The following PTBP3 variants were observed in gnomAD, a reference collection of about 807,000 sequenced individuals.
PTBP3 encodes the protein polypyrimidine tract binding protein 3, also known as polypyrimidine tract-binding protein 3.
In PTBP3, 20 loss-of-function variants were observed where a neutral mutation model predicts 58.7. The ratio of observed to expected loss-of-function variants is 0.34; its 90% CI spans 0.24 to 0.50. The LOEUF is 0.50. Ranked by LOEUF, PTBP3 falls within the 20% of genes least tolerant of loss-of-function variation. The pLI is 0.98. For synonymous variants in PTBP3, 185 were observed against 219.8 expected, an observed-to-expected ratio of 0.84 and a Z score of 1.40; for missense variants, 509 against 637.2, an observed-to-expected ratio of 0.80 and a Z score of 2.17.
intron 2 of PTBP3, among the ~76,000 whole-genome samples, chr9:112,292,768 G>A (rs1425221760): frequency 6.6e-6 from 1 of 152,154 alleles, no homozygotes; most frequent in Admixed American, 6.5e-5. Flanking sequence ...GAAGAGAAAA[G>A]GAAGAGTTGT....
the PTBP3 span, among the ~76,000 whole-genome samples, chr9:112,352,952 G>A: frequency 2.6e-5 from 4 of 151,516 alleles, no homozygotes; most frequent in East Asian, 3.9e-4. Flanking sequence ...CCAGGCTGGA[G>A]TGCAGTGGTG....
At chr9:112,338,518 C>A (rs1830594319), upstream of PTBP3, among the ~76,000 whole-genome samples, 1 of 152,090 alleles carries the variant, frequency 6.6e-6, no homozygotes, top group Non-Finnish European at 1.5e-5. Context: ...GCTGAGTGTT[C>A]CCTTAATATT....
the PTBP3 span, among the ~76,000 whole-genome samples, chr9:112,376,317 G>C: frequency 5.4e-4 from 76 of 142,036 alleles, no homozygotes; most frequent in South Asian, 4.6e-3. Context: ...GCAGTGGCGT[G>C]GTCTCCGCTC....
the PTBP3 span, among the ~76,000 whole-genome samples, chr9:112,347,341 C>A: frequency 1.7e-4 from 22 of 130,898 alleles, no homozygotes; most frequent in Admixed American, 1.5e-3. Context: ...ACTGGGATAC[C>A]TTTTTTTTTT....
the PTBP3 span, among the ~76,000 whole-genome samples, chr9:112,356,701 C>T: frequency 6.6e-6 from 1 of 151,668 alleles, no homozygotes; most frequent in Non-Finnish European, 1.5e-5. Flanking sequence ...TATCTAGCTC[C>T]AAGTTGAGGA....
intron 5 of PTBP3, among the ~76,000 whole-genome samples, chr9:112,257,221 C>T (rs772069243): frequency 6.6e-6 from 1 of 152,126 alleles, no homozygotes; most frequent in Non-Finnish European, 1.5e-5. Flanking sequence ...GGATTGTATT[C>T]ACTGATAGAG....
At chr9:112,260,273 C>G (rs1259423772) in intron 5 of PTBP3, among the ~76,000 whole-genome samples, 1 of 152,172 alleles carries the variant, frequency 6.6e-6, no homozygotes. Flanking sequence ...AATGTATTAA[C>G]TCATATAATC....
chr9:112,297,091 T>A (rs1239095175), intron 2 of PTBP3, among the ~76,000 whole-genome samples: 1 of 152,202 alleles, frequency 6.6e-6, no homozygotes, highest in African/African-American at 2.4e-5. Flanking sequence ...CCACTAAATT[T>A]CAAGAACATT....
Position 112,223,222 on chromosome 9 carries a change from ATTAT to A in PTBP3, c.*625_*628del, listed in dbSNP as rs1180772189. The A allele has an allele frequency of 4.3e-6, 4 of 938,904 alleles. No homozygotes were observed. In the African/African-American group the frequency reaches 7.1e-5, roughly 17 times the overall value. The allele number at this position is 938,904 out of a possible 1,614,324, so 58.2% of individuals were successfully genotyped here. A position where few individuals can be genotyped will look rare whatever the true frequency, so the allele number is the denominator to read the frequency against. ...TAGTCTTAAAAAGTTAAAGATAGGCATTATTTAAAGGAGTGTCTTACAGTGAAAA... is the reference window on the plus strand; with the variant it reads ...TAGTCTTAAAAAGTTAAAGATAGGCATTAAAGGAGTGTCTTACAGTGAAAA... On this transcript the variant is annotated 3_prime_UTR_variant, in exon 14 of 14. Transcript: ENST00000374257.
intron 7 of PTBP3, 50 bp from the exon 8 acceptor site, chr9:112,234,947 G>A (rs745661811): frequency 2.1e-5 from 30 of 1,462,984 alleles, no homozygotes; most frequent in Middle Eastern, 1.7e-4. Flanking sequence ...TATAAATATC[G>A]TTATCAAAGC....
At chr9:112,307,698 T>C (rs1587868527) in intron 1 of PTBP3, among the ~76,000 whole-genome samples, 1 of 152,234 alleles carries the variant, frequency 6.6e-6, no homozygotes, top group Non-Finnish European at 1.5e-5. Context: ...GCCAAGTTTT[T>C]TCCCAAGAAC....
chr9:112,219,921 T>C lies in PTBP3; in HGVS notation c.*3930A>G, dbSNP rs1189535561. On this transcript the variant is annotated 3_prime_UTR_variant, in exon 14 of 14. Transcript: ENST00000374257. Reference sequence around the variant, plus strand: ...AAAAGACTGCTAATAGTCTTGTAGATAACAACACAACTCTTTTAAAAGACA... The same window carrying C: ...AAAAGACTGCTAATAGTCTTGTAGACAACAACACAACTCTTTTAAAAGACA... 3.3e-6 allele frequency: 1 copy of C among 306,330 alleles called. No individual in the cohort carries two copies. Among genetic ancestry groups the C allele is most frequent in the Non-Finnish European group, 5.1e-6 (1 of 197,984 alleles). 19.0% of individuals were successfully genotyped at this position (306,330 alleles called of 1,614,324 possible). A position where few individuals can be genotyped will look rare whatever the true frequency, so the allele number is the denominator to read the frequency against.
intron 1 of PTBP3, among the ~76,000 whole-genome samples, chr9:112,302,380 A>G (rs901759125): frequency 1.3e-5 from 2 of 152,126 alleles, no homozygotes; most frequent in Non-Finnish European, 2.9e-5. Context: ...CCTTTCTACC[A>G]TCCAAACAAG....
intron 1 of PTBP3, among the ~76,000 whole-genome samples, chr9:112,329,137 G>A (rs558865445): frequency 2.6e-5 from 4 of 152,276 alleles, no homozygotes; most frequent in East Asian, 3.9e-4. Context: ...TGGGCCGGGT[G>A]TGGTGGCTCA....
At chr9:112,277,881 C>CTCT (rs1827678648) in intron 2 of PTBP3, among the ~76,000 whole-genome samples, 4 of 136,486 alleles carry the variant, frequency 2.9e-5, no homozygotes, top group East Asian at 2.2e-4. Context: ...CTCAAAATAA[C>CTCT]GTAACATAAC....
chr9:112,235,003 T>A, intron 7 of PTBP3, 106 bp from the exon 8 acceptor site: 1 of 921,962 alleles, frequency 1.1e-6, no homozygotes, highest in Non-Finnish European at 1.6e-6. Context: ...AAAGAGATTC[T>A]GTTACGGAGT....
chr9:112,275,907 G>T lies in PTBP3; in HGVS notation c.141C>A (p.Ile47=), dbSNP rs770019849. Residue 47 remains isoleucine, a synonymous_variant, in exon 3 of 14, where the codon ATC becomes ATA. Coordinates refer to ENST00000374257, the MANE Select transcript of PTBP3 (RefSeq NM_001163788.4). The part of the protein sequence containing the change: ...KIPCDVTEAE[I]ISLGLPFGKV... ...TGCCAAATGGTAGACCTAATGATATGATCTCTGCTTCGGTGACATCACATG... is the reference window on the plus strand; with the variant it reads ...TGCCAAATGGTAGACCTAATGATATTATCTCTGCTTCGGTGACATCACATG... 4 of 1,613,944 alleles carry T rather than the reference G, an allele frequency of 2.5e-6. No individual in the cohort carries two copies. The South Asian group carries it at 4.4e-5, about 18-fold the overall frequency.
intron 9 of PTBP3, 110 bp from the exon 10 acceptor site, chr9:112,231,523 T>C (rs889571841): frequency 1.2e-6 from 1 of 868,964 alleles, no homozygotes; most frequent in Non-Finnish European, 1.7e-6. Context: ...TGGTTTTATA[T>C]GCTTCTTCCG....
the PTBP3 span, among the ~76,000 whole-genome samples, chr9:112,365,040 C>T: frequency 6.6e-6 from 1 of 152,176 alleles, no homozygotes. Context: ...TGAGATCATG[C>T]CTTTCTGTGG....
Sources: gnomAD v4.1 joint callset for allele counts (sites outside exome capture counted in the v4.1 genomes callset) on GRCh38, gnomAD v4.1.1 for gene constraint, MANE v1.5 for transcripts, NCBI Gene and HGNC (gene_info 2026-07-23, HGNC 2026-07-21) for gene names.